The following ESR2 variants were observed in gnomAD, a reference collection of about 807,000 sequenced individuals.
ESR2 encodes estrogen receptor 2.
ESR2 carries 36 observed loss-of-function variants against 49.6 expected under a neutral mutation model. The ratio of observed to expected loss-of-function variants is 0.73; its 90% confidence interval spans 0.56 to 0.96. The LOEUF is 0.96. ESR2 is among the 40% of genes least tolerant of loss of function. The pLI, the probability that ESR2 is intolerant of heterozygous loss-of-function variation, is 0.00. For synonymous variants in ESR2, 320 were observed against 266.1 expected (o/e 1.20, Z -1.97); for missense variants, 714 against 693.0 (o/e 1.03, Z -0.34).
chr14:64,305,290 CAAAA>C (rs567349725), intron 1 of ESR2, among the ~76,000 whole-genome samples: 1 of 100,368 alleles, frequency 1.0e-5, no homozygotes. Context: ...GACTCCGTCT[CAAAA>C]AAAAAAAAAA....
intron 2 of ESR2, among the ~76,000 whole-genome samples, chr14:64,281,034 A>T (rs754239990): frequency 5.9e-5 from 9 of 152,218 alleles, no homozygotes; most frequent in Non-Finnish European, 1.2e-4. Context: ...AAATAACTTT[A>T]AGAGGAATAA....
upstream of ESR2, among the ~76,000 whole-genome samples, chr14:64,295,042 C>T (rs893729980): frequency 6.6e-6 from 1 of 152,216 alleles, no homozygotes. Flanking sequence ...CTGGTGGCAG[C>T]CCCAGTTCCC....
intron 4 of ESR2, 85 bp from the exon 5 acceptor site, chr14:64,260,833 T>C: frequency 7.9e-7 from 1 of 1,265,636 alleles, no homozygotes; most frequent in East Asian, 2.7e-5. Context: ...TTCTGGAGCC[T>C]GTGGGGCACG....
upstream of ESR2, among the ~76,000 whole-genome samples, chr14:64,298,048 T>C (rs895741010): frequency 6.6e-6 from 1 of 152,126 alleles, no homozygotes; most frequent in African/African-American, 2.4e-5. Context: ...ATGAAAAAGA[T>C]AGGATTACTA....
At chr14:64,256,738 AC>A (rs1422449936) in intron 6 of ESR2, among the ~76,000 whole-genome samples, 6 of 152,090 alleles carry the variant, frequency 3.9e-5, no homozygotes, top group Non-Finnish European at 8.8e-5. Context: ...CAGAAAAAAA[AC>A]AAAAAACAAA....
In ESR2 at chr14:64,230,829, ATC is replaced by A. The variant is rs564165318; in HGVS notation, c.*2306_*2307del. The A allele has an allele frequency of 9.5e-5, 14 of 147,772 alleles. No individual in the cohort carries two copies. The highest frequency in any genetic ancestry group is 3.5e-4 in the African/African-American group (14 of 39,864). The allele number at this position is 147,772 out of a possible 1,614,324, so 9.2% of individuals were successfully genotyped here. A position where few individuals can be genotyped will look rare whatever the true frequency, so the allele number is the denominator to read the frequency against. ...CAGTTCACTCCCAGGAGTAGAAGTG[ATC>A]TCTGTCTTAAGATCTACTCTCAAAA... On this transcript the variant is annotated 3_prime_UTR_variant, in exon 9 of 9. Transcript: ENST00000341099.
At chr14:64,297,124 A>T (rs1402060249), upstream of ESR2, among the ~76,000 whole-genome samples, 1 of 152,176 alleles carries the variant, frequency 6.6e-6, no homozygotes, top group African/African-American at 2.4e-5. Context: ...AAGCACCCAC[A>T]TATGACATTG....
At chr14:64,302,478 C>T (rs540738049) in intron 1 of ESR2, among the ~76,000 whole-genome samples, 8 of 152,108 alleles carry the variant, frequency 5.3e-5, no homozygotes, top group Admixed American at 3.3e-4. Context: ...TGAGGCACCG[C>T]GCCCGGCCTC....
chr14:64,306,835 G>A (rs1051741630), intron 1 of ESR2, among the ~76,000 whole-genome samples: 2 of 152,186 alleles, frequency 1.3e-5, no homozygotes, highest in African/African-American at 4.8e-5. Flanking sequence ...TTCTGAAAGA[G>A]GTGGTAGAGA....
At chr14:64,280,230 T>C (rs2076637852) in intron 2 of ESR2, 77 bp from the exon 3 acceptor site, 2 of 1,007,018 alleles carry the variant, frequency 2.0e-6, no homozygotes, top group Non-Finnish European at 3.1e-6. Flanking sequence ...AAAAATAGCA[T>C]GAACATTGCC....
intron 7 of ESR2, among the ~76,000 whole-genome samples, chr14:64,244,972 A>G (rs771253798): frequency 2.6e-5 from 4 of 152,270 alleles, no homozygotes; most frequent in African/African-American, 7.2e-5. Context: ...CTGTTGTCCA[A>G]TGTCCAATAT....
intron 7 of ESR2, 61 bp downstream of exon 7, chr14:64,249,485 G>A (rs914652587): frequency 5.8e-6 from 9 of 1,548,968 alleles, no homozygotes; most frequent in African/African-American, 2.7e-5. Flanking sequence ...TTAATATCAC[G>A]CTAGTTGTAG....
rs565969235 is a variant in ESR2 at position 64,269,682 on chromosome 14, A to G, written c.536-771T>C. ...TGACCTCCCACAAAAGCCCAGAACC[A>G]AGTTTATGAAGTAGAGCTACTCTAA... On this transcript the variant is annotated intron_variant, in intron 3 of 8. Coordinates refer to ENST00000341099, the MANE Select transcript of ESR2 (RefSeq NM_001437.3). 1.1e-4 allele frequency among the ~76,000 whole-genome samples: 16 copies of G among 152,342 alleles called. No homozygotes were observed. In the Middle Eastern group the frequency reaches 0.01, roughly 97 times the overall value.
intron 1 of ESR2, among the ~76,000 whole-genome samples, chr14:64,321,436 T>A (rs976347922): frequency 6.6e-6 from 1 of 152,182 alleles, no homozygotes; most frequent in Non-Finnish European, 1.5e-5. Flanking sequence ...GTGAATTTTA[T>A]GGCATGTAAA....
chr14:64,322,492 T>C (rs2077336330), intron 1 of ESR2, among the ~76,000 whole-genome samples: 1 of 128,658 alleles, frequency 7.8e-6, no homozygotes, highest in Admixed American at 8.8e-5. Flanking sequence ...CTGGGTAACA[T>C]AGTAAGACCT....
intron 1 of ESR2, among the ~76,000 whole-genome samples, chr14:64,308,266 G>A (rs561282429): frequency 1.1e-3 from 167 of 152,088 alleles, no homozygotes; most frequent in African/African-American, 3.9e-3. Context: ...CACCTGCCTC[G>A]GCCTCCCAAA....
chr14:64,229,376 G>A lies in ESR2; in HGVS notation c.*3761C>T, dbSNP rs2098725180. Reference sequence around the variant, plus strand: ...GCCAGTCCAAGCTTTGCCATGAGTAGTTTTATGACCTTGAATAGGTGAATT... The same window carrying A: ...GCCAGTCCAAGCTTTGCCATGAGTAATTTTATGACCTTGAATAGGTGAATT... On this transcript the variant is annotated 3_prime_UTR_variant, in exon 9 of 9. Transcript: ENST00000341099. 6.6e-6 allele frequency among the ~76,000 whole-genome samples: 1 copy of A among 152,120 alleles called. No homozygotes were observed. The highest frequency in any genetic ancestry group is 2.1e-4 in the South Asian group (1 of 4,826).
intron 6 of ESR2, among the ~76,000 whole-genome samples, chr14:64,254,620 T>G (rs1007864522): frequency 1.3e-5 from 2 of 150,394 alleles, no homozygotes; most frequent in African/African-American, 2.4e-5. Flanking sequence ...TGGCCAGCCG[T>G]AGTGGCACAT....
In ESR2 at chr14:64,273,778, G is replaced by C. The variant is rs552259654; in HGVS notation, c.536-4867C>G. ...ATTCTTTTGATGTTTCTTTGGTTCT[G>C]GTATCACGGTAATACTGGTCTCACG... On this transcript the variant is annotated intron_variant, in intron 3 of 8. Coordinates refer to ENST00000341099, the MANE Select transcript of ESR2 (RefSeq NM_001437.3). Among the ~76,000 whole-genome samples, 12 of 152,124 alleles carry C rather than the reference G, an allele frequency of 7.9e-5. 1 individual carries two copies. Among genetic ancestry groups the C allele is most frequent in the African/African-American group, 2.6e-4 (11 of 41,518 alleles).
Sources: gnomAD v4.1 joint callset for allele counts (sites outside exome capture counted in the v4.1 genomes callset) on GRCh38, gnomAD v4.1.1 for gene constraint, MANE v1.5 for transcripts, NCBI Gene and HGNC (gene_info 2026-07-23, HGNC 2026-07-21) for gene names.